Variants in SAMD5 observed in about 807,000 individuals in gnomAD.
The protein encoded by SAMD5 is sterile alpha motif domain containing 5.
SAMD5 carries 13 observed loss-of-function variants against 11.3 expected under a neutral mutation model. That is an observed-to-expected ratio of 1.15 (90% CI 0.75 to 1.83). The LOEUF (loss-of-function observed/expected upper bound fraction) is 1.83, where lower values mean the gene tolerates loss of function less well. Ranked by LOEUF, SAMD5 falls within the 40% of genes most tolerant of loss-of-function variation. SAMD5 has a pLI of 0.00. For missense variants in SAMD5, 255 were observed against 239.1 expected (o/e 1.07, Z -0.44); for synonymous variants, 129 against 111.3 (o/e 1.16, Z -1.00).
At chr6:147,634,448 C>T (rs965411564) in intron 1 of SAMD5, among the ~76,000 whole-genome samples, 6 of 152,166 alleles carry the variant, frequency 3.9e-5, no homozygotes, top group Non-Finnish European at 7.3e-5. Flanking sequence ...CCATCAGGCC[C>T]CTCCTCCCTC....
the SAMD5 span, among the ~76,000 whole-genome samples, chr6:147,799,301 A>G: frequency 6.6e-5 from 10 of 151,798 alleles, no homozygotes; most frequent in African/African-American, 2.2e-4. Flanking sequence ...TTGTCTGTAA[A>G]GTATTTTATT....
chr6:147,560,222 A>G (rs1366588536), intron 1 of SAMD5, among the ~76,000 whole-genome samples: 1 of 152,346 alleles, frequency 6.6e-6, no homozygotes, highest in Non-Finnish European at 1.5e-5. Context: ...GAGGCTCTCC[A>G]TGCAAATTCC....
At chr6:147,882,155 A>C in the SAMD5 span, among the ~76,000 whole-genome samples, 16 of 152,348 alleles carry the variant, frequency 1.1e-4, no homozygotes, top group South Asian at 1.0e-3. Flanking sequence ...ACTTAAGCTT[A>C]GGATAGAATG....
intron 1 of SAMD5, among the ~76,000 whole-genome samples, chr6:147,558,735 T>G (rs954822071): frequency 1.3e-4 from 20 of 152,122 alleles, no homozygotes; most frequent in African/African-American, 4.8e-4. Context: ...GTGGGCCCAC[T>G]GACCCATCTG....
chr6:147,833,485 G>T, the SAMD5 span, among the ~76,000 whole-genome samples: 3 of 152,116 alleles, frequency 2.0e-5, no homozygotes, highest in Non-Finnish European at 4.4e-5. Flanking sequence ...TTATGGAAAG[G>T]TATCAAAAAC....
intron 1 of SAMD5, chr6:147,733,752 C>T (rs1562362782): frequency 3.1e-6 from 3 of 960,208 alleles, no homozygotes; most frequent in East Asian, 1.1e-4. Context: ...GGAAATTCTT[C>T]AGGCAGAAAA....
the SAMD5 span, among the ~76,000 whole-genome samples, chr6:147,777,974 GATGTATAA>G: frequency 6.6e-6 from 1 of 152,118 alleles, no homozygotes; most frequent in East Asian, 1.9e-4. Flanking sequence ...TATGGACGTG[GATGTATAA>G]ATGGAGTAGA....
the SAMD5 span, among the ~76,000 whole-genome samples, chr6:147,819,370 A>C: frequency 1.3e-5 from 2 of 152,252 alleles, no homozygotes; most frequent in African/African-American, 4.8e-5. Context: ...GAAAAGAAAC[A>C]ACTGTTGGGT....
At chr6:147,739,404 G>C (rs1455267081), downstream of SAMD5, among the ~76,000 whole-genome samples, 1 of 152,004 alleles carries the variant, frequency 6.6e-6, no homozygotes, top group East Asian at 1.9e-4. Context: ...GAGACCAGCC[G>C]GGCAACATAG....
At chr6:147,612,189 G>A (rs1789797799) in intron 1 of SAMD5, among the ~76,000 whole-genome samples, 1 of 152,102 alleles carries the variant, frequency 6.6e-6, no homozygotes, top group Admixed American at 6.5e-5. Flanking sequence ...CTCTCGTCAT[G>A]ATGGGGAGGT....
chr6:147,550,306 G>C (rs1285189861), intron 1 of SAMD5, among the ~76,000 whole-genome samples: 41 of 152,140 alleles, frequency 2.7e-4, no homozygotes. Flanking sequence ...CTGTTGGTGG[G>C]AATGTAAATT....
the SAMD5 span, among the ~76,000 whole-genome samples, chr6:147,841,688 T>G: frequency 6.6e-6 from 1 of 152,230 alleles, no homozygotes; most frequent in Admixed American, 6.5e-5. Flanking sequence ...TGTTGGAAAA[T>G]CACAGCCATC....
chr6:147,904,748 A>G, the SAMD5 span, among the ~76,000 whole-genome samples: 1 of 152,306 alleles, frequency 6.6e-6, no homozygotes. Context: ...GCTTTACCAC[A>G]GAGATCCCTT....
At chr6:147,604,436 T>C (rs1789668118) in intron 1 of SAMD5, among the ~76,000 whole-genome samples, 1 of 152,132 alleles carries the variant, frequency 6.6e-6, no homozygotes, top group South Asian at 2.1e-4. Context: ...AGCCAAAAGA[T>C]AGTTTTCCTG....
the SAMD5 span, among the ~76,000 whole-genome samples, chr6:147,862,737 G>A: frequency 1.1e-4 from 17 of 152,270 alleles, no homozygotes; most frequent in East Asian, 3.3e-3. Context: ...GAATTTTGTG[G>A]TCAGCAAAAT....
chr6:147,808,895 T>G, the SAMD5 span, among the ~76,000 whole-genome samples: 1 of 152,164 alleles, frequency 6.6e-6, no homozygotes, highest in Non-Finnish European at 1.5e-5. Context: ...TGGCCTAAAC[T>G]AAAGCCCAAT....
chr6:147,611,420 A>G (rs1427005755), intron 1 of SAMD5, among the ~76,000 whole-genome samples: 3 of 151,910 alleles, frequency 2.0e-5, no homozygotes, highest in African/African-American at 7.2e-5. Context: ...AAAATTAGCC[A>G]GGCATGGTGG....
chr6:147,707,071 GT>G (rs1036612386), intron 1 of SAMD5, among the ~76,000 whole-genome samples: 1 of 152,036 alleles, frequency 6.6e-6, no homozygotes. Context: ...CTAATGATGT[GT>G]TTTTTGAGGA....
the SAMD5 span, among the ~76,000 whole-genome samples, chr6:147,833,783 T>G: frequency 6.6e-6 from 1 of 152,230 alleles, no homozygotes; most frequent in African/African-American, 2.4e-5. Context: ...ATATTCTTAG[T>G]CCATGGAACA....
Sources: gnomAD v4.1 joint callset for allele counts (sites outside exome capture counted in the v4.1 genomes callset) on GRCh38, gnomAD v4.1.1 for gene constraint, MANE v1.5 for transcripts, NCBI Gene and HGNC (gene_info 2026-07-23, HGNC 2026-07-21) for gene names.